GRID2: variants seen among roughly 807,000 people sequenced by gnomAD.
GRID2 encodes glutamate ionotropic receptor delta type subunit 2.
In GRID2, 33 loss-of-function variants were observed where a neutral mutation model predicts 114.8. The ratio of observed to expected loss-of-function variants is 0.29; its 90% CI spans 0.22 to 0.38. The LOEUF is 0.38. GRID2 is among the 10% of genes least tolerant of loss of function. The pLI is 1.00. For synonymous variants in GRID2, 505 were observed against 449.9 expected (o/e 1.12, Z -1.55); for missense variants, 1,184 against 1,257.7 (o/e 0.94, Z 0.89).
intron 2 of GRID2, among the ~76,000 whole-genome samples, chr4:92,688,085 C>G (rs1278509338): frequency 1.0e-5 from 1 of 98,194 alleles, no homozygotes; most frequent in African/African-American, 4.0e-5. Flanking sequence ...GTTTCGCTCT[C>G]GTTGCCCAGG....
chr4:93,588,306 T>G (rs1038650579), intron 13 of GRID2, among the ~76,000 whole-genome samples: 2 of 152,132 alleles, frequency 1.3e-5, no homozygotes, highest in African/African-American at 4.8e-5. Flanking sequence ...AAATTTTTTT[T>G]GCAGTTGGAA....
intron 1 of GRID2, among the ~76,000 whole-genome samples, chr4:92,335,432 A>G (rs1015990045): frequency 2.6e-5 from 4 of 152,262 alleles, no homozygotes; most frequent in African/African-American, 9.6e-5. Flanking sequence ...CCAGCATGTA[A>G]TGAACTCTCA....
At chr4:93,721,920 C>CTTTT (rs5860343) in intron 14 of GRID2, among the ~76,000 whole-genome samples, 1 of 132,614 alleles carries the variant, frequency 7.5e-6, no homozygotes, top group African/African-American at 2.8e-5. Flanking sequence ...TTTCTTTTTT[C>CTTTT]TTTTTTTTTT....
intron 14 of GRID2, 64 bp from the exon 15 acceptor site, chr4:93,769,146 T>C: frequency 1.0e-5 from 16 of 1,527,526 alleles, no homozygotes; most frequent in Non-Finnish European, 1.4e-5. Flanking sequence ...TATAAATGGA[T>C]GTGTTGTGAA....
intron 2 of GRID2, among the ~76,000 whole-genome samples, chr4:92,686,753 A>C (rs1333938050): frequency 6.6e-6 from 1 of 152,084 alleles, no homozygotes; most frequent in African/African-American, 2.4e-5. Context: ...TTATTTAAAA[A>C]ATTAGCAATG....
intron 2 of GRID2, among the ~76,000 whole-genome samples, chr4:92,865,781 C>T (rs925780144): frequency 3.3e-5 from 5 of 152,060 alleles, no homozygotes; most frequent in Admixed American, 3.3e-4. Flanking sequence ...ATATTTCGGC[C>T]ATAAAGCATA....
At chr4:93,670,953 G>A (rs1362424365) in intron 14 of GRID2, among the ~76,000 whole-genome samples, 5 of 152,178 alleles carry the variant, frequency 3.3e-5, no homozygotes, top group African/African-American at 1.2e-4. Flanking sequence ...CATTCTATAT[G>A]TGTACATAGG....
intron 4 of GRID2, among the ~76,000 whole-genome samples, chr4:93,155,245 A>G (rs1737070855): frequency 6.6e-6 from 1 of 151,928 alleles, no homozygotes; most frequent in African/African-American, 2.4e-5. Context: ...CCTTGAAATC[A>G]TGTTATATCT....
chr4:92,941,810 G>C (rs61120701), intron 2 of GRID2, among the ~76,000 whole-genome samples: 7 of 151,904 alleles, frequency 4.6e-5, no homozygotes, highest in Admixed American at 2.0e-4. Context: ...TTATTTCTGC[G>C]TTCATTTTTT....
chr4:92,628,524 AT>A (rs1273572540), intron 2 of GRID2, among the ~76,000 whole-genome samples: 1 of 151,814 alleles, frequency 6.6e-6, no homozygotes, highest in Non-Finnish European at 1.5e-5. Flanking sequence ...CACCCAGCTA[AT>A]TTTTTGTATT....
At position 92,939,509 on chromosome 4, in the gene GRID2, G is replaced by A. The variant is rs3970991; in HGVS notation, c.245-145486G>A. ...GATTGCAAAAATTTTCTCCCATTCTGTAGGTTCCCTGTTCACTCTGATAGT... is the reference window on the plus strand; with the variant it reads ...GATTGCAAAAATTTTCTCCCATTCTATAGGTTCCCTGTTCACTCTGATAGT... On this transcript the variant is annotated intron_variant, in intron 2 of 15. Coordinates refer to ENST00000282020, the MANE Select transcript of GRID2 (RefSeq NM_001510.4). Among the ~76,000 whole-genome samples, 3 of 147,066 alleles carry A rather than the reference G, an allele frequency of 2.0e-5. 1 individual carries two copies. The highest frequency in any genetic ancestry group is 7.4e-5 in the Admixed American group (1 of 13,584).
chr4:92,804,416 A>G (rs923446942), intron 2 of GRID2, among the ~76,000 whole-genome samples: 7 of 152,112 alleles, frequency 4.6e-5, no homozygotes, highest in African/African-American at 1.7e-4. Context: ...GCAATTTATG[A>G]GCTGAATGTC....
intron 2 of GRID2, among the ~76,000 whole-genome samples, chr4:92,921,178 A>T (rs1032314801): frequency 1.3e-5 from 2 of 151,888 alleles, no homozygotes; most frequent in African/African-American, 2.4e-5. Context: ...TGTAGTTCTC[A>T]TGCCATGGTT....
intron 1 of GRID2, among the ~76,000 whole-genome samples, chr4:92,499,235 C>G (rs1723552440): frequency 6.6e-6 from 1 of 151,954 alleles, no homozygotes; most frequent in Admixed American, 6.6e-5. Flanking sequence ...AATAATCAAA[C>G]ATGTATCTCC....
At chr4:93,062,376 A>G (rs1490978910) in intron 2 of GRID2, among the ~76,000 whole-genome samples, 2 of 152,126 alleles carry the variant, frequency 1.3e-5, no homozygotes, top group East Asian at 1.9e-4. Context: ...TAGCAATTAT[A>G]AAGTTGTCCT....
Position 93,085,173 on chromosome 4 carries a change from C to G in GRID2, c.423C>G (p.Asp141Glu), listed in dbSNP as rs772056542. 1.2e-6 allele frequency: 2 copies of G among 1,613,958 alleles called. No homozygotes were observed. Among genetic ancestry groups the G allele is most frequent in the East Asian group, 2.2e-5 (1 of 44,870 alleles). Residue 141 changes from aspartate to glutamate, a missense_variant, in exon 3 of 16, where the codon GAC (aspartate) becomes GAG (glutamate). Transcript: ENST00000282020. ...TCACCCGGAGCAACAGGAATGATGACTACACTCTCTCAGTTCGCCCACCTG... is the reference window on the plus strand; with the variant it reads ...TCACCCGGAGCAACAGGAATGATGAGTACACTCTCTCAGTTCGCCCACCTG... The part of the protein sequence containing the change: ...CGLTRSNRND[D>E]YTLSVRPPVY...
chr4:93,346,690 C>G (rs971946590), intron 8 of GRID2, among the ~76,000 whole-genome samples: 2 of 152,086 alleles, frequency 1.3e-5, no homozygotes, highest in Non-Finnish European at 1.5e-5. Flanking sequence ...TTGAAAGTTG[C>G]CACATTCAAT....
Position 92,369,614 on chromosome 4 carries a change from C to A in GRID2, c.88+64870C>A, listed in dbSNP as rs186031532. ...ACTACCAACACACTTCAGTATCCAG[C>A]TAGCTAATATATTGCAAAAACTAAT... On this transcript the variant is annotated intron_variant, in intron 1 of 15. Transcript: ENST00000282020. 2.0e-5 allele frequency among the ~76,000 whole-genome samples: 3 copies of A among 152,214 alleles called. No homozygotes were observed. In the East Asian group the frequency reaches 5.8e-4, roughly 29 times the overall value.
intron 1 of GRID2, among the ~76,000 whole-genome samples, chr4:92,546,987 C>A (rs1179486292): frequency 6.6e-6 from 1 of 152,130 alleles, no homozygotes; most frequent in East Asian, 1.9e-4. Flanking sequence ...GGTTCACAAA[C>A]CCTGAGAGAT....
Sources: gnomAD v4.1 joint callset for allele counts (sites outside exome capture counted in the v4.1 genomes callset) on GRCh38, gnomAD v4.1.1 for gene constraint, MANE v1.5 for transcripts, NCBI Gene and HGNC (gene_info 2026-07-23, HGNC 2026-07-21) for gene names.